PLEKHH1: variants seen among roughly 807,000 people sequenced by gnomAD.
PLEKHH1 encodes pleckstrin homology domain-containing family H member 1.
In PLEKHH1, 104 loss-of-function variants were observed where a neutral mutation model predicts 160.0. That is an observed-to-expected ratio of 0.65 (90% CI 0.55 to 0.76). PLEKHH1 has a LOEUF of 0.76. PLEKHH1 is among the 30% of genes least tolerant of loss of function. The pLI, the probability that PLEKHH1 is intolerant of heterozygous loss-of-function variation, is 0.00. For synonymous variants in PLEKHH1, 619 were observed against 678.4 expected (o/e 0.91, Z 1.36); for missense variants, 1,427 against 1,724.1 (o/e 0.83, Z 3.05).
intron 11 of PLEKHH1, 119 bp downstream of exon 11, chr14:67,572,396 A>C: frequency 3.9e-6 from 1 of 254,368 alleles, no homozygotes; most frequent in Non-Finnish European, 7.4e-6. Flanking sequence ...GAGCTGGGGG[A>C]TGGGGGCAGG....
chr14:67,545,789 A>G (rs757225378), intron 2 of PLEKHH1, among the ~76,000 whole-genome samples: 1 of 152,246 alleles, frequency 6.6e-6, no homozygotes, highest in Non-Finnish European at 1.5e-5. Context: ...TGAATAAAAA[A>G]CATCTGAAGG....
At chr14:67,568,925 C>T in intron 7 of PLEKHH1, 1 of 539,908 alleles carries the variant, frequency 1.9e-6, no homozygotes, top group Non-Finnish European at 3.3e-6. Flanking sequence ...CATTGATTCT[C>T]ACAGCAGCCT....
intron 1 of PLEKHH1, among the ~76,000 whole-genome samples, chr14:67,538,113 A>C (rs1306856191): frequency 1.3e-5 from 2 of 152,208 alleles, no homozygotes; most frequent in Non-Finnish European, 2.9e-5. Flanking sequence ...CCAGAATAAA[A>C]ATAGAAAAAA....
At position 67,573,881 on chromosome 14, in the gene PLEKHH1, G is replaced by A. The variant is rs776795360; in HGVS notation, c.1920G>A (p.Thr640=). 1.6e-5 allele frequency: 25 copies of A among 1,611,398 alleles called. No individual in the cohort carries two copies. The highest frequency in any genetic ancestry group is 1.7e-4 in the Middle Eastern group (1 of 6,058). The change falls in exon 13 of 29, where the codon ACG becomes ACA. Residue 640 remains threonine (T), a synonymous_variant. Coordinates refer to ENST00000329153, the MANE Select transcript of PLEKHH1 (RefSeq NM_020715.3). The surrounding 1 kb of genome is among the most constrained non-coding windows in gnomAD (Gnocchi z 4.8). The part of the protein sequence containing the change: ...CQIVRGEGSQ[T]FQLISEKKTY... ...TTGTTCGAGGGGAGGGTTCACAGAC[G>A]TTTCAGGTGAGCACGCTCCTGGCTG...
At chr14:67,561,778 G>A (rs1423479559) in intron 5 of PLEKHH1, among the ~76,000 whole-genome samples, 176 bp from the exon 6 acceptor site, 3 of 151,636 alleles carry the variant, frequency 2.0e-5, no homozygotes, top group African/African-American at 7.3e-5. Flanking sequence ...GCTGAGGTGG[G>A]AGGATCAGTT....
intron 17 of PLEKHH1, 97 bp from the exon 18 acceptor site, chr14:67,577,205 C>T (rs2035658794): frequency 1.3e-6 from 1 of 794,466 alleles, no homozygotes; most frequent in African/African-American, 1.7e-5. Context: ...GAAGATAAAC[C>T]ACTATCTTCC....
At position 67,588,618 on chromosome 14, in the gene PLEKHH1, A is replaced by G. The variant is rs1264052999; in HGVS notation, c.*1383A>G. 1 of 152,200 alleles carries G rather than the reference A, an allele frequency of 6.6e-6. No homozygotes were observed. The highest frequency in any genetic ancestry group is 1.5e-5 in the Non-Finnish European group (1 of 68,024). 9.4% of individuals were successfully genotyped at this position (152,200 alleles called of 1,614,324 possible). ...GGTTGTAGACACACCCTCCCCTAAC[A>G]AAAACAAAACGAAAGAGTTCATACT... On this transcript the variant is annotated 3_prime_UTR_variant, in exon 29 of 29. Transcript: ENST00000329153.
At chr14:67,584,461 C>T (rs2036054045) in intron 26 of PLEKHH1, among the ~76,000 whole-genome samples, 1 of 152,194 alleles carries the variant, frequency 6.6e-6, no homozygotes, top group South Asian at 2.1e-4. Context: ...AATACATCTC[C>T]ACTGGTTTGA....
At position 67,575,838 on chromosome 14, in the gene PLEKHH1, C is replaced by T; in HGVS notation, c.2185C>T (p.Leu729=). ...CTGTCCACAGCGACCCCTGGGCTGC[C>T]TGCCTGTGCGGGATGCGCACATAGA... ...SHEDKRPLGC[L]PVRDAHIEEV... is the part of the protein sequence containing the mutation. Residue 729 remains leucine (L), a synonymous_variant, in exon 16 of 29, where the codon CTG becomes TTG. Coordinates refer to ENST00000329153, the MANE Select transcript of PLEKHH1 (RefSeq NM_020715.3). 1 of 1,613,618 alleles carries T rather than the reference C, an allele frequency of 6.2e-7. No individual in the cohort carries two copies. The highest frequency in any genetic ancestry group is 2.2e-5 in the East Asian group (1 of 44,876).
chr14:67,585,758 C>T (rs954539625), intron 27 of PLEKHH1, 104 bp downstream of exon 27: 23 of 1,007,630 alleles, frequency 2.3e-5, no homozygotes, highest in Non-Finnish European at 3.1e-5. Context: ...CCATGGCTGC[C>T]CTACCCCCAC....
At chr14:67,580,721 C>T (rs2035853961) in intron 22 of PLEKHH1, among the ~76,000 whole-genome samples, 1 of 152,206 alleles carries the variant, frequency 6.6e-6, no homozygotes, top group South Asian at 2.1e-4. Flanking sequence ...AGATTTCTTG[C>T]TTTATTGCTC....
chr14:67,572,100 G>A (rs747984264), intron 10 of PLEKHH1, 35 bp from the exon 11 acceptor site: 52 of 1,588,782 alleles, frequency 3.3e-5, no homozygotes, highest in Non-Finnish European at 4.1e-5. Flanking sequence ...GGGGAGGTGT[G>A]GGACCCGGGC....
At chr14:67,537,346 A>AAATAATAATAATAATAATAATAAT (rs111429286) in intron 1 of PLEKHH1, among the ~76,000 whole-genome samples, 1 of 126,602 alleles carries the variant, frequency 7.9e-6, no homozygotes, top group African/African-American at 3.1e-5. Flanking sequence ...TCCATCTCAA[A>AAATAATAATAATAATAATAATAAT]AATAATAATA....
Position 67,562,090 on chromosome 14 carries a change from CT to C in PLEKHH1, c.506-46del, listed in dbSNP as rs772543565. ...GTACGTGTGTTTGGTGGGTATGGGG[CT>C]GAGCTACGGGAGCTCTCAATGTGAC... On this transcript the variant is annotated intron_variant, in intron 6 of 28. Coordinates refer to ENST00000329153, the MANE Select transcript of PLEKHH1 (RefSeq NM_020715.3). The C allele has an allele frequency of 1.4e-4, 220 of 1,601,154 alleles. No individual in the cohort carries two copies. The East Asian group carries it at 3.4e-3, about 24-fold the overall frequency.
rs2035413355 is a variant in PLEKHH1 at position 67,572,144 on chromosome 14, T to C, written c.1595T>C (p.Met532Thr). The C allele has an allele frequency of 1.2e-6, 2 of 1,606,800 alleles. No individual in the cohort carries two copies. The highest frequency in any genetic ancestry group is 1.3e-5 in the African/African-American group (1 of 74,772). The change falls in exon 11 of 29, where the codon ATG (methionine) becomes ACG (threonine). Residue 532 changes from methionine (M) to threonine (T), a missense_variant. Physicochemically the swap from Met to Thr is moderately conservative, Grantham distance 81. Coordinates refer to ENST00000329153, the MANE Select transcript of PLEKHH1 (RefSeq NM_020715.3). ...SPRAIKRGVS[M>T]SSLSSEGDYA... ...CTCCTCCCTCGGCAAGGCGTCTCCA[T>C]GTCCTCACTGAGCTCCGAGGGTGAC...
rs1186016170 is a variant in PLEKHH1 at position 67,587,515 on chromosome 14, T to C, written c.*280T>C. 2.2e-6 allele frequency: 1 copy of C among 456,466 alleles called. No individual in the cohort carries two copies. The highest frequency in any genetic ancestry group is 2.0e-5 in the African/African-American group (1 of 50,412). The allele number at this position is 456,466 out of a possible 1,614,324, so 28.3% of individuals were successfully genotyped here. ...ACCTGATTCTAGACATAGACAGGGA[T>C]GATCCACTGTTACTGAGGGCATCAG... On this transcript the variant is annotated 3_prime_UTR_variant, in exon 29 of 29. Coordinates refer to ENST00000329153, the MANE Select transcript of PLEKHH1 (RefSeq NM_020715.3).
intron 7 of PLEKHH1, among the ~76,000 whole-genome samples, chr14:67,563,356 C>T (rs2034930798): frequency 6.6e-6 from 1 of 151,696 alleles, no homozygotes; most frequent in African/African-American, 2.4e-5. Flanking sequence ...AAAGTACTTA[C>T]AGTAGTGGTT....
chr14:67,562,043 G>A lies in PLEKHH1; in HGVS notation c.505+8G>A. The A allele has an allele frequency of 6.2e-7, 1 of 1,613,330 alleles. No homozygotes were observed. The highest frequency in any genetic ancestry group is 2.2e-5 in the East Asian group (1 of 44,882). On this transcript the variant is annotated splice_region_variant and intron_variant, in intron 6 of 28. Coordinates refer to ENST00000329153, the MANE Select transcript of PLEKHH1 (RefSeq NM_020715.3). ...TTCAAGATGCGCTAGAAGGTAGGCA[G>A]GCCAGGGTGTGCAGGTGTGCAGTAC... is the stretch of plus-strand genomic sequence containing the variant.
At position 67,576,777 on chromosome 14, in the gene PLEKHH1, T is replaced by C. The variant is rs993370579; in HGVS notation, c.2461+274T>C. On this transcript the variant is annotated intron_variant, in intron 17 of 28. Transcript: ENST00000329153. This position sits in a 1 kb window ranked among gnomAD's most constrained non-coding sequence, Gnocchi z 4.0. ...TGGATCAAGCTGCCCCGTTGCTGGC[T>C]GGGCAGAGGGCTGAGGAAAGAAGGT... 6.6e-6 allele frequency among the ~76,000 whole-genome samples: 1 copy of C among 152,156 alleles called. No homozygotes were observed.
Sources: allele counts gnomAD v4.1 joint callset (sites outside exome capture counted in the v4.1 genomes callset), GRCh38; gene constraint gnomAD v4.1.1; non-coding constraint Gnocchi (gnomAD v3.1); transcripts MANE v1.5; gene names NCBI Gene and HGNC (gene_info 2026-07-23, HGNC 2026-07-21).